The following MLIP variants were observed in gnomAD, a reference collection of about 807,000 sequenced individuals.
MLIP encodes the protein muscular LMNA interacting protein.
In MLIP, 79 loss-of-function variants were observed where a neutral mutation model predicts 84.8. The ratio of observed to expected loss-of-function variants is 0.93; its 90% CI spans 0.78 to 1.12. The LOEUF (loss-of-function observed/expected upper bound fraction) is 1.12, where lower values mean the gene tolerates loss of function less well. Ranked by LOEUF, MLIP falls within the 50% of genes most tolerant of loss-of-function variation. The pLI is 0.00. For missense variants in MLIP, 1,257 were observed against 1,160.6 expected (o/e 1.08, Z -1.21); for synonymous variants, 504 against 463.0 (o/e 1.09, Z -1.14).
chr6:54,080,191 G>T (rs910950263), intron 1 of MLIP, among the ~76,000 whole-genome samples: 3 of 152,032 alleles, frequency 2.0e-5, no homozygotes, highest in Admixed American at 2.0e-4. Context: ...GGTCGCCTTT[G>T]CTTCCCTTAC....
intron 4 of MLIP, among the ~76,000 whole-genome samples, chr6:54,148,223 A>T (rs763061199): frequency 6.6e-6 from 1 of 152,172 alleles, no homozygotes; most frequent in African/African-American, 2.4e-5. Context: ...CTGAAGTGAC[A>T]GGAGCCTTGA....
chr6:54,151,370 A>T (rs556786942), intron 5 of MLIP, among the ~76,000 whole-genome samples: 1 of 152,158 alleles, frequency 6.6e-6, no homozygotes, highest in Non-Finnish European at 1.5e-5. Context: ...TTAAAAAATA[A>T]ATCTGACAAT....
chr6:54,120,277 A>C (rs1280948), intron 1 of MLIP, among the ~76,000 whole-genome samples: 83,835 of 151,188 alleles, frequency 0.55, 24,749 homozygotes, highest in South Asian at 0.7. Flanking sequence ...CTCTGTCGCC[A>C]AGGCTGGAGT....
chr6:54,247,725 C>T (rs186374316), intron 12 of MLIP, among the ~76,000 whole-genome samples: 5 of 152,206 alleles, frequency 3.3e-5, no homozygotes, highest in Admixed American at 6.6e-5. Context: ...TACCTATAGA[C>T]ATACAGTCCT....
At position 54,234,371 on chromosome 6, in the gene MLIP, C is replaced by T. The variant is rs569646018; in HGVS notation, c.2922+3454C>T. ...AAAAGTGCCTGAAGATAATGAAAAA[C>T]ATATAAAAGTTAGATCTTATTATCA... On this transcript the variant is annotated intron_variant, in intron 12 of 13. Coordinates refer to ENST00000502396, the MANE Select transcript of MLIP (RefSeq NM_001281747.2). Among the ~76,000 whole-genome samples, 5 of 152,110 alleles carry T rather than the reference C, an allele frequency of 3.3e-5. No homozygotes were observed. In the East Asian group the frequency reaches 7.7e-4, roughly 24 times the overall value.
At chr6:54,237,116 T>A (rs1781416198) in intron 12 of MLIP, among the ~76,000 whole-genome samples, 1 of 151,910 alleles carries the variant, frequency 6.6e-6, no homozygotes, top group Non-Finnish European at 1.5e-5. Context: ...TGGGAGGTGG[T>A]TCCAGGAAAT....
intron 1 of MLIP, among the ~76,000 whole-genome samples, chr6:54,038,059 A>G (rs1764542650): frequency 6.6e-6 from 1 of 151,930 alleles, no homozygotes; most frequent in African/African-American, 2.4e-5. Flanking sequence ...TCAGTGTTTT[A>G]CCACGGGTAG....
At chr6:54,236,283 C>T (rs1366444423) in intron 12 of MLIP, among the ~76,000 whole-genome samples, 1 of 152,212 alleles carries the variant, frequency 6.6e-6, no homozygotes, top group Non-Finnish European at 1.5e-5. Context: ...GCCCTGCTTT[C>T]TTGCTGTCAT....
intron 11 of MLIP, among the ~76,000 whole-genome samples, chr6:54,219,404 A>G (rs1312509417): frequency 3.0e-5 from 4 of 132,574 alleles, no homozygotes; most frequent in Non-Finnish European, 6.1e-5. Flanking sequence ...ACACAAGTAC[A>G]CAAGTTAGCC....
At chr6:54,251,813 A>G (rs1437520652) in intron 12 of MLIP, among the ~76,000 whole-genome samples, 1 of 93,912 alleles carries the variant, frequency 1.1e-5, no homozygotes, top group Non-Finnish European at 1.8e-5. Context: ...TATATATTAT[A>G]ACAGATAATA....
chr6:54,244,506 AC>A (rs1156235060), intron 12 of MLIP, among the ~76,000 whole-genome samples: 1 of 152,220 alleles, frequency 6.6e-6, no homozygotes, highest in East Asian at 1.9e-4. Context: ...AATTAATTTG[AC>A]TTTTAACATT....
chr6:54,247,770 C>T (rs1351414761), intron 12 of MLIP, among the ~76,000 whole-genome samples: 1 of 152,078 alleles, frequency 6.6e-6, no homozygotes. Flanking sequence ...CACATACCCT[C>T]TCCCTCCTCA....
At chr6:54,217,399 A>T (rs578066351) in intron 11 of MLIP, 13 of 985,440 alleles carry the variant, frequency 1.3e-5, no homozygotes, top group Non-Finnish European at 1.4e-5. Flanking sequence ...GTATGATTTG[A>T]TGGTTGAGTA....
At chr6:54,091,509 T>A (rs1767872016) in intron 1 of MLIP, among the ~76,000 whole-genome samples, 1 of 152,214 alleles carries the variant, frequency 6.6e-6, no homozygotes, top group Non-Finnish European at 1.5e-5. Flanking sequence ...GAGAAAATTA[T>A]ATTCAAGGAA....
chr6:54,056,608 T>C (rs9370259), intron 1 of MLIP, among the ~76,000 whole-genome samples: 17,504 of 152,172 alleles, frequency 0.12, 1,408 homozygotes, highest in East Asian at 0.33. Context: ...GTTTTCTCTG[T>C]GATACTGAAA....
chr6:54,243,630 G>A (rs764110848), intron 12 of MLIP, among the ~76,000 whole-genome samples: 39 of 152,236 alleles, frequency 2.6e-4, no homozygotes, highest in Non-Finnish European at 4.7e-4. Context: ...GGCTCAGAAA[G>A]TATATATAAT....
Position 54,137,521 on chromosome 6 carries a change from T to C in MLIP, c.1452T>C (p.Ser484=). ...CAGATCAAGGGGAACTCCAGGTTTC[T>C]GAATTGACCCAGCAATCTTTTCACC... The part of the protein sequence containing the change: ...GSPDQGELQV[S]ELTQQSFHLP... Residue 484 remains serine (S), a synonymous_variant, in exon 4 of 14, where the codon TCT becomes TCC. Coordinates refer to ENST00000502396, the MANE Select transcript of MLIP (RefSeq NM_001281747.2). 1 of 1,536,102 alleles carries C rather than the reference T, an allele frequency of 6.5e-7. No homozygotes were observed. The highest frequency in any genetic ancestry group is 8.7e-7 in the Non-Finnish European group (1 of 1,146,894).
intron 13 of MLIP, among the ~76,000 whole-genome samples, chr6:54,261,218 C>A (rs1783367528): frequency 6.6e-6 from 1 of 152,032 alleles, no homozygotes; most frequent in African/African-American, 2.4e-5. Flanking sequence ...CTTCTATCCA[C>A]AACCACTCCA....
chr6:54,124,384 A>G (rs948993093), intron 2 of MLIP, 89 bp from the exon 3 acceptor site: 13 of 1,187,960 alleles, frequency 1.1e-5, no homozygotes, highest in Non-Finnish European at 1.2e-6. Context: ...TTGAAAATAT[A>G]AGGAGGTTAA....
Sources: allele counts gnomAD v4.1 joint callset (sites outside exome capture counted in the v4.1 genomes callset), GRCh38; gene constraint gnomAD v4.1.1; transcripts MANE v1.5; gene names NCBI Gene and HGNC (gene_info 2026-07-23, HGNC 2026-07-21).